ARGFX: variants seen among roughly 807,000 people sequenced by gnomAD.
The protein encoded by ARGFX is arginine-fifty homeobox.
ARGFX carries 10 observed loss-of-function variants against 8.0 expected under a neutral mutation model. The ratio of observed to expected loss-of-function variants is 1.25; its 90% confidence interval spans 0.77 to 2.12. ARGFX has a LOEUF of 2.12. Ranked by LOEUF, ARGFX falls within the 30% of genes most tolerant of loss-of-function variation. ARGFX has a pLI of 0.00. For synonymous variants in ARGFX, 116 were observed against 117.8 expected, an observed-to-expected ratio of 0.98 and a Z score of 0.10; for missense variants, 282 against 324.3, an observed-to-expected ratio of 0.87 and a Z score of 1.00.
rs551264916 is a variant in ARGFX at position 121,584,979 on chromosome 3, GCT to G, written c.286_287del (p.Leu96ValfsTer2). The G allele has an allele frequency of 3.1e-6, 5 of 1,613,852 alleles. No individual in the cohort carries two copies. Among genetic ancestry groups the G allele is most frequent in the Non-Finnish European group, 4.2e-6 (5 of 1,179,994 alleles). ...CCACCAACAGTATGAGGAGCTAGAAGCTCTGTTTAGCCAGACCATGTTCCCAG... is the reference window on the plus strand; with the variant it reads ...CCACCAACAGTATGAGGAGCTAGAAGCTGTTTAGCCAGACCATGTTCCCAG... ...FTHQQYEELE[A>X]LFSQTMFPDR... On this transcript the variant is annotated frameshift_variant, in exon 4 of 5. Coordinates refer to ENST00000334384, the MANE Select transcript of ARGFX (RefSeq NM_001012659.2). LOFTEE classifies it high-confidence loss of function.
chr3:121,589,977 G>A lies in ARGFX; in HGVS notation c.*3377G>A, dbSNP rs2048835788. Among the ~76,000 whole-genome samples, 1 of 151,958 alleles carries A rather than the reference G, an allele frequency of 6.6e-6. No individual in the cohort carries two copies. The highest frequency in any genetic ancestry group is 1.9e-4 in the East Asian group (1 of 5,188). ...AAAAGCAATACAGAAAAAAAATTATGAAATCAAAAGCTGGTTCTTTGAAAA... is the reference window on the plus strand; with the variant it reads ...AAAAGCAATACAGAAAAAAAATTATAAAATCAAAAGCTGGTTCTTTGAAAA... On this transcript the variant is annotated 3_prime_UTR_variant, in exon 5 of 5. Coordinates refer to ENST00000334384, the MANE Select transcript of ARGFX (RefSeq NM_001012659.2).
intron 2 of ARGFX, among the ~76,000 whole-genome samples, chr3:121,576,033 T>C (rs2048733862): frequency 6.6e-6 from 1 of 152,110 alleles, no homozygotes; most frequent in Non-Finnish European, 1.5e-5. Flanking sequence ...AAAATAAAGC[T>C]ATTCTTTTTT....
At position 121,587,253 on chromosome 3, in the gene ARGFX, C is replaced by T. The variant is rs577063745; in HGVS notation, c.*653C>T. On this transcript the variant is annotated 3_prime_UTR_variant, in exon 5 of 5. Coordinates refer to ENST00000334384, the MANE Select transcript of ARGFX (RefSeq NM_001012659.2). ...TTTTAGTAGAGACGGGGTTTCACCA[C>T]GTTGCCCAGGCTGGTCTTGAACTCC... Among the ~76,000 whole-genome samples, 1 of 152,042 alleles carries T rather than the reference C, an allele frequency of 6.6e-6. No individual in the cohort carries two copies. The highest frequency in any genetic ancestry group is 2.1e-4 in the South Asian group (1 of 4,810).
In ARGFX at chr3:121,579,935, C is replaced by CT. The variant is rs141711902; in HGVS notation, c.220+3039dup. 8.9e-3 allele frequency among the ~76,000 whole-genome samples: 485 copies of CT among 54,288 alleles called. 8 individuals are homozygous for CT. Among genetic ancestry groups the CT allele is most frequent in the African/African-American group, 0.032 (452 of 14,344 alleles). The allele number at this position is 54,288 out of a possible 152,430, so 35.6% of individuals were successfully genotyped here. On this transcript the variant is annotated intron_variant, in intron 3 of 4. Coordinates refer to ENST00000334384, the MANE Select transcript of ARGFX (RefSeq NM_001012659.2). ...TTCTTTCTTTCTTTCTTTTTCTTTTCTTTTCTTTTCTTTTTTTTTTTTTTT... is the reference window on the plus strand; with the variant it reads ...TTCTTTCTTTCTTTCTTTTTCTTTTCTTTTTCTTTTCTTTTTTTTTTTTTTT...
intron 3 of ARGFX, among the ~76,000 whole-genome samples, chr3:121,583,715 C>T (rs1355954765): frequency 6.6e-6 from 1 of 152,072 alleles, no homozygotes; most frequent in Non-Finnish European, 1.5e-5. Context: ...TTCATAGAGA[C>T]AGGGTCTCCC....
chr3:121,579,640 C>G (rs1576443138), intron 3 of ARGFX, among the ~76,000 whole-genome samples: 1 of 152,262 alleles, frequency 6.6e-6, no homozygotes, highest in East Asian at 1.9e-4. Context: ...AGACCTAAAT[C>G]TAGGACTAAA....
Position 121,577,259 on chromosome 3 carries a change from A to ATATTTTTTTT in ARGFX, c.220+360_220+361insATTTTTTTTT, listed in dbSNP as rs1403064031. On this transcript the variant is annotated intron_variant, in intron 3 of 4. Transcript: ENST00000334384. ...TATATATATATATATATATATATAT[A>ATATTTTTTTT]TTTTTTTTTTTTTAAATGGAGTCTC... is the stretch of plus-strand genomic sequence containing the variant. Among the ~76,000 whole-genome samples the ATATTTTTTTT allele has an allele frequency of 3.5e-4, 21 of 59,614 alleles. 1 individual carries two copies. The highest frequency in any genetic ancestry group is 1.3e-3 in the African/African-American group (21 of 16,066). 39.1% of individuals were successfully genotyped at this position (59,614 alleles called of 152,430 possible).
chr3:121,580,606 AT>A lies in ARGFX; in HGVS notation c.220+3722del, dbSNP rs57666199. On this transcript the variant is annotated intron_variant, in intron 3 of 4. Coordinates refer to ENST00000334384, the MANE Select transcript of ARGFX (RefSeq NM_001012659.2). Reference sequence around the variant, plus strand: ...TGTGTGTGTGTGTGTATATATATATATTTTTTTTTTTTTTTTGAGATGAAGT... The same window carrying A: ...TGTGTGTGTGTGTGTATATATATATATTTTTTTTTTTTTTTGAGATGAAGT... Among the ~76,000 whole-genome samples the A allele has an allele frequency of 7.0e-3, 802 of 115,160 alleles. 17 individuals carry two copies. The highest frequency in any genetic ancestry group is 0.023 in the African/African-American group (713 of 31,374). The allele number at this position is 115,160 out of a possible 152,430, so 75.5% of individuals were successfully genotyped here.
chr3:121,576,571 T>G (rs2048737090), intron 2 of ARGFX, among the ~76,000 whole-genome samples: 1 of 152,072 alleles, frequency 6.6e-6, no homozygotes, highest in South Asian at 2.1e-4. Flanking sequence ...ATGCCTGACC[T>G]TGTGATCTAG....
At position 121,586,692 on chromosome 3, in the gene ARGFX, A is replaced by G; in HGVS notation, c.*92A>G. The G allele has an allele frequency of 1.9e-6, 2 of 1,075,854 alleles. No homozygotes were observed. Among genetic ancestry groups the G allele is most frequent in the Non-Finnish European group, 2.6e-6 (2 of 756,876 alleles). The allele number at this position is 1,075,854 out of a possible 1,614,324, so 66.6% of individuals were successfully genotyped here. On this transcript the variant is annotated 3_prime_UTR_variant, in exon 5 of 5. Transcript: ENST00000334384. ...TTTTCCTTTGTCTCATTTTAACCCA[A>G]CATCTGGGTCTGTGTCTCTGATTTC...
chr3:121,579,496 G>A (rs766474609), intron 3 of ARGFX, among the ~76,000 whole-genome samples: 3 of 152,064 alleles, frequency 2.0e-5, no homozygotes, highest in African/African-American at 4.8e-5. Flanking sequence ...TGATTCCAGC[G>A]TGTCCTTGAT....
At chr3:121,573,881 A>T (rs1430906973) in intron 2 of ARGFX, among the ~76,000 whole-genome samples, 1 of 150,496 alleles carries the variant, frequency 6.6e-6, no homozygotes, top group African/African-American at 2.4e-5. Flanking sequence ...AAGGCAAAAA[A>T]CTTGAATAGA....
In ARGFX at chr3:121,590,563, C is replaced by T. The variant is rs780391430; in HGVS notation, c.*3963C>T. ...GGCCAGGTGTGGCCCCTCCATCTTC[C>T]GTCTGAGACTGGAAGACTTCCCAGC... is the stretch of plus-strand genomic sequence containing the variant. On this transcript the variant is annotated 3_prime_UTR_variant, in exon 5 of 5. Transcript: ENST00000334384. Among the ~76,000 whole-genome samples, 1 of 152,004 alleles carries T rather than the reference C, an allele frequency of 6.6e-6. No individual in the cohort carries two copies. The highest frequency in any genetic ancestry group is 2.4e-5 in the African/African-American group (1 of 41,382).
chr3:121,584,784 A>T (rs2048801402), intron 3 of ARGFX, 133 bp from the exon 4 acceptor site: 1 of 1,052,756 alleles, frequency 9.5e-7, no homozygotes, highest in East Asian at 2.4e-5. Context: ...CATTTTCTGG[A>T]TCCTAAGCCT....
intron 3 of ARGFX, among the ~76,000 whole-genome samples, chr3:121,584,112 A>T (rs1313071819): frequency 6.6e-6 from 1 of 151,972 alleles, no homozygotes; most frequent in African/African-American, 2.4e-5. Flanking sequence ...ACAAGAGTTC[A>T]AGGTTACAAT....
In ARGFX at chr3:121,577,226, CAT is replaced by C. The variant is rs71133554; in HGVS notation, c.220+359_220+360del. On this transcript the variant is annotated intron_variant, in intron 3 of 4. Coordinates refer to ENST00000334384, the MANE Select transcript of ARGFX (RefSeq NM_001012659.2). ...GTATATATATATATATCTACATGTACATATATATATATATATATATATATATA... is the reference window on the plus strand; with the variant it reads ...GTATATATATATATATCTACATGTACATATATATATATATATATATATATA... 7.6e-3 allele frequency among the ~76,000 whole-genome samples: 658 copies of C among 86,916 alleles called. 7 individuals are homozygous for C. The highest frequency in any genetic ancestry group is 0.031 in the East Asian group (59 of 1,892). The allele number at this position is 86,916 out of a possible 152,430, so 57.0% of individuals were successfully genotyped here.
chr3:121,569,864 TA>T (rs1372396152), intron 1 of ARGFX, among the ~76,000 whole-genome samples: 1 of 152,182 alleles, frequency 6.6e-6, no homozygotes, highest in Admixed American at 6.5e-5. Context: ...TGTTATAGAA[TA>T]AGAGTGAAAA....
At chr3:121,577,259 A>ATATATATATAT (rs1403064031) in intron 3 of ARGFX, among the ~76,000 whole-genome samples, 217 of 59,414 alleles carry the variant, frequency 3.7e-3, no homozygotes, top group African/African-American at 9.8e-3. Flanking sequence ...ATATATATAT[A>ATATATATATAT]TTTTTTTTTT....
At chr3:121,572,834 C>T (rs535770253) in intron 2 of ARGFX, among the ~76,000 whole-genome samples, 21 of 152,168 alleles carry the variant, frequency 1.4e-4, no homozygotes, top group Non-Finnish European at 2.9e-4. Context: ...TAGAAGAGAG[C>T]AAAGTCCAGA....
Sources: allele counts gnomAD v4.1 joint callset (sites outside exome capture counted in the v4.1 genomes callset), GRCh38; gene constraint gnomAD v4.1.1; transcripts MANE v1.5; gene names NCBI Gene and HGNC (gene_info 2026-07-23, HGNC 2026-07-21).